Variants in LHFPL2 observed in about 807,000 individuals in gnomAD.
LHFPL2 encodes LHFPL tetraspan subfamily member 2.
LHFPL2 carries 7 observed loss-of-function variants against 17.5 expected under a neutral mutation model. That is an observed-to-expected ratio of 0.40 (90% CI 0.23 to 0.75). The LOEUF (loss-of-function observed/expected upper bound fraction) is 0.75. LHFPL2 is among the 30% of genes least tolerant of loss of function. The pLI is 0.37. For missense variants in LHFPL2, 241 were observed against 294.8 expected, an observed-to-expected ratio of 0.82 and a Z score of 1.34; for synonymous variants, 134 against 116.2, an observed-to-expected ratio of 1.15 and a Z score of -0.99.
intron 2 of LHFPL2, among the ~76,000 whole-genome samples, chr5:78,610,692 GC>G (rs1432261079): frequency 6.6e-6 from 1 of 152,162 alleles, no homozygotes; most frequent in African/African-American, 2.4e-5. Context: ...TCAAAATCCA[GC>G]CTCTAACAAT....
intron 3 of LHFPL2, among the ~76,000 whole-genome samples, chr5:78,511,962 G>A (rs10067806): frequency 1.3e-5 from 2 of 151,956 alleles, no homozygotes; most frequent in South Asian, 2.1e-4. Context: ...CTGACCATAT[G>A]GATGCCTAAC....
chr5:78,525,130 A>G (rs536291940), intron 3 of LHFPL2, among the ~76,000 whole-genome samples: 2 of 152,180 alleles, frequency 1.3e-5, no homozygotes, highest in Non-Finnish European at 2.9e-5. Flanking sequence ...GTGGCCAAAA[A>G]CAATGTCTTT....
chr5:78,609,521 GA>G (rs1379290036), intron 2 of LHFPL2, among the ~76,000 whole-genome samples: 1 of 149,028 alleles, frequency 6.7e-6, no homozygotes, highest in Non-Finnish European at 1.5e-5. Flanking sequence ...CTATACAATG[GA>G]ATATTCTTCA....
intron 3 of LHFPL2, among the ~76,000 whole-genome samples, chr5:78,546,739 T>C (rs1756288505): frequency 6.6e-6 from 1 of 152,220 alleles, no homozygotes; most frequent in Admixed American, 6.5e-5. Context: ...ACTACGAGTT[T>C]CTTGATGACA....
intron 2 of LHFPL2, among the ~76,000 whole-genome samples, chr5:78,602,773 T>C (rs1049900928): frequency 1.3e-5 from 2 of 152,206 alleles, no homozygotes. Flanking sequence ...GAACCAATCA[T>C]GGCAGCTCTC....
intron 2 of LHFPL2, among the ~76,000 whole-genome samples, chr5:78,574,567 A>G (rs758764280): frequency 3.4e-4 from 52 of 152,248 alleles, no homozygotes; most frequent in Non-Finnish European, 6.6e-4. Flanking sequence ...TTCCCAACTA[A>G]GAACAACAAA....
chr5:78,599,525 G>A (rs997606472), intron 2 of LHFPL2, among the ~76,000 whole-genome samples: 3 of 151,422 alleles, frequency 2.0e-5, no homozygotes, highest in African/African-American at 7.3e-5. Context: ...TGGCCAGGCT[G>A]GCCTCGAACT....
intron 2 of LHFPL2, among the ~76,000 whole-genome samples, chr5:78,584,050 T>C (rs1421974428): frequency 1.1e-4 from 17 of 152,112 alleles, no homozygotes; most frequent in Admixed American, 8.5e-4. Flanking sequence ...CCATCGCTGA[T>C]ACCCTTTCTT....
At chr5:78,519,014 T>C (rs1009727387) in intron 3 of LHFPL2, among the ~76,000 whole-genome samples, 2 of 150,930 alleles carry the variant, frequency 1.3e-5, no homozygotes, top group African/African-American at 4.9e-5. Flanking sequence ...TGCTCACCTG[T>C]ATGGGCTGCT....
chr5:78,584,058 C>T (rs1314044581), intron 2 of LHFPL2, among the ~76,000 whole-genome samples: 2 of 152,078 alleles, frequency 1.3e-5, no homozygotes, highest in Non-Finnish European at 2.9e-5. Context: ...GATACCCTTT[C>T]TTCCAGTTGA....
At chr5:78,519,877 C>T (rs570496165) in intron 3 of LHFPL2, among the ~76,000 whole-genome samples, 53 of 152,336 alleles carry the variant, frequency 3.5e-4, no homozygotes, top group Non-Finnish European at 6.3e-4. Context: ...ATTAGCCTTT[C>T]CTTCAAATAC....
chr5:78,507,942 AC>A (rs1561311181), intron 4 of LHFPL2, among the ~76,000 whole-genome samples: 4 of 3,200 alleles, frequency 1.3e-3, no homozygotes, highest in African/African-American at 3.7e-3. Context: ...ACACATGCAT[AC>A]ACACACACAC....
At chr5:78,641,506 A>T (rs909071158) in intron 1 of LHFPL2, among the ~76,000 whole-genome samples, 1 of 152,176 alleles carries the variant, frequency 6.6e-6, no homozygotes, top group Non-Finnish European at 1.5e-5. Flanking sequence ...TTTTAAGGTG[A>T]AGAGTTGTGA....
rs1443903156 is a variant in LHFPL2, at chr5:78,543,121, G to T, written c.-186+21692C>A. Among the ~76,000 whole-genome samples the T allele has an allele frequency of 7.2e-5, 11 of 152,024 alleles. No individual in the cohort carries two copies. In the East Asian group the frequency reaches 2.1e-3, roughly 29 times the overall value. ...ACCTGCATAATAAAAGATGGTGGGGGGCTACCAGAAATTTGCACCCTATGC... is the reference window on the plus strand; with the variant it reads ...ACCTGCATAATAAAAGATGGTGGGGTGCTACCAGAAATTTGCACCCTATGC... On this transcript the variant is annotated intron_variant, in intron 3 of 4. Transcript: ENST00000380345.
rs533119152 is a variant in LHFPL2 at position 78,553,789 on chromosome 5, T to C, written c.-186+11024A>G. 7.9e-5 allele frequency among the ~76,000 whole-genome samples: 12 copies of C among 152,302 alleles called. No individual in the cohort carries two copies. The South Asian group carries it at 2.5e-3, about 32-fold the overall frequency. ...ATTTTTGTTTTCTTCCAGATCTGAC[T>C]ACATGGAAAAAATACCGTAATTTCC... On this transcript the variant is annotated intron_variant, in intron 3 of 4. Coordinates refer to ENST00000380345, the MANE Select transcript of LHFPL2 (RefSeq NM_005779.3).
At chr5:78,584,538 G>T (rs1743291418) in intron 2 of LHFPL2, among the ~76,000 whole-genome samples, 3 of 152,202 alleles carry the variant, frequency 2.0e-5, no homozygotes, top group South Asian at 4.1e-4. Flanking sequence ...TGGAGTACCG[G>T]GCCGTGTGAG....
At chr5:78,581,823 T>C (rs2112444333) in intron 2 of LHFPL2, among the ~76,000 whole-genome samples, 1 of 152,310 alleles carries the variant, frequency 6.6e-6, no homozygotes, top group South Asian at 2.1e-4. Context: ...TTAGGGAGGA[T>C]TCCCTGTTTT....
intron 2 of LHFPL2, among the ~76,000 whole-genome samples, chr5:78,606,658 C>A (rs1370893338): frequency 1.3e-5 from 2 of 152,178 alleles, no homozygotes; most frequent in Non-Finnish European, 2.9e-5. Context: ...TGGCATTTGG[C>A]TGGACAGCTG....
intron 2 of LHFPL2, among the ~76,000 whole-genome samples, chr5:78,588,656 G>T (rs1342722587): frequency 6.6e-6 from 1 of 152,182 alleles, no homozygotes; most frequent in Non-Finnish European, 1.5e-5. Flanking sequence ...GCTCCATGCT[G>T]ATGTTTAAGA....
Sources: gnomAD v4.1 joint callset for allele counts (sites outside exome capture counted in the v4.1 genomes callset) on GRCh38, gnomAD v4.1.1 for gene constraint, MANE v1.5 for transcripts, NCBI Gene and HGNC (gene_info 2026-07-23, HGNC 2026-07-21) for gene names.